The following CCNY variants were observed in gnomAD, a reference collection of about 807,000 sequenced individuals.
CCNY encodes the protein cyclin-Y.
In CCNY, 19 loss-of-function variants were observed where a neutral mutation model predicts 42.8. The observed-to-expected ratio is 0.44, with a 90% CI of 0.31 to 0.65. The LOEUF (loss-of-function observed/expected upper bound fraction) is 0.65, where lower values mean the gene tolerates loss of function less well. Among genes scored for constraint, CCNY ranks in the 30% least tolerant of loss-of-function variants. The pLI is 0.07. For missense variants in CCNY, 370 were observed against 437.3 expected, an observed-to-expected ratio of 0.85 and a Z score of 1.37; for synonymous variants, 165 against 162.7, an observed-to-expected ratio of 1.01 and a Z score of -0.11.
chr10:35,413,515 C>G (rs1362816313), intron 1 of CCNY, among the ~76,000 whole-genome samples: 1 of 152,168 alleles, frequency 6.6e-6, no homozygotes, highest in Non-Finnish European at 1.5e-5. Flanking sequence ...TATATTTGAG[C>G]TTTATCATTA....
chr10:35,480,045 T>C (rs1466463237), intron 1 of CCNY, among the ~76,000 whole-genome samples: 14 of 152,054 alleles, frequency 9.2e-5, no homozygotes, highest in African/African-American at 2.4e-5. Context: ...AGAACACATA[T>C]TGTAATTACC....
At chr10:35,554,775 TA>T (rs1841330063) in intron 8 of CCNY, among the ~76,000 whole-genome samples, 2 of 152,246 alleles carry the variant, frequency 1.3e-5, no homozygotes, top group African/African-American at 4.8e-5. Flanking sequence ...AGGTCTTAAA[TA>T]TTTTGATTTG....
chr10:35,443,923 T>C (rs911079306), intron 1 of CCNY, among the ~76,000 whole-genome samples: 2 of 152,204 alleles, frequency 1.3e-5, no homozygotes, highest in Non-Finnish European at 2.9e-5. Context: ...GTACAGAATG[T>C]GAGGTCCCAT....
chr10:35,519,864 G>A (rs147139937), intron 4 of CCNY, among the ~76,000 whole-genome samples: 3 of 122,798 alleles, frequency 2.4e-5, no homozygotes, highest in Non-Finnish European at 4.7e-5. Flanking sequence ...CTGTAACTCC[G>A]CCTCCCAGGC....
chr10:35,335,586 G>A (rs1475879900), upstream of CCNY, among the ~76,000 whole-genome samples: 8 of 151,960 alleles, frequency 5.3e-5, no homozygotes, highest in South Asian at 2.1e-4. Context: ...GCCAGGTGCC[G>A]TGGCTCATGC....
intron 3 of CCNY, among the ~76,000 whole-genome samples, chr10:35,253,740 T>A (rs1300103682): frequency 6.6e-6 from 1 of 152,056 alleles, no homozygotes. Flanking sequence ...ACTCCTTGAA[T>A]AAACAACAAC....
intron 1 of CCNY, among the ~76,000 whole-genome samples, chr10:35,417,878 C>T (rs997189316): frequency 2.6e-5 from 4 of 152,170 alleles, no homozygotes; most frequent in African/African-American, 9.7e-5. Context: ...AGGAATAGTT[C>T]ACCTCTCTAG....
Position 35,514,317 on chromosome 10 carries a change from C to T in CCNY, c.265-2206C>T, listed in dbSNP as rs116082824. Among the ~76,000 whole-genome samples, 1,416 of 152,212 alleles carry T rather than the reference C, an allele frequency of 9.3e-3. 29 individuals carry two copies. Among genetic ancestry groups the T allele is most frequent in the African/African-American group, 0.031 (1,301 of 41,532 alleles). On this transcript the variant is annotated intron_variant, in intron 3 of 9. Coordinates refer to ENST00000374704, the MANE Select transcript of CCNY (RefSeq NM_145012.6). ...AATACTTGGGATCTTTATTCAGTTTCGAAGTTATTAAATAGTTTAAAAGCT... is the reference window on the plus strand; with the variant it reads ...AATACTTGGGATCTTTATTCAGTTTTGAAGTTATTAAATAGTTTAAAAGCT...
chr10:35,501,397 T>G lies in CCNY; in HGVS notation c.230-104T>G, dbSNP rs754067178. 280 of 876,548 alleles carry G rather than the reference T, an allele frequency of 3.2e-4. 1 individual carries two copies. The highest frequency in any genetic ancestry group is 4.8e-4 in the Non-Finnish European group (246 of 513,400). 54.3% of individuals were successfully genotyped at this position (876,548 alleles called of 1,614,324 possible). On this transcript the variant is annotated intron_variant, in intron 2 of 9. Transcript: ENST00000374704. The stretch of plus-strand genomic sequence containing the variant: ...TAAATGAGCAAGTGGGTATGTTGGT[T>G]GGTGGAAGGACGGGACCACGACACA...
chr10:35,541,113 A>AT (rs34128223), intron 7 of CCNY, among the ~76,000 whole-genome samples: 16,933 of 150,262 alleles, frequency 0.11, 1,326 homozygotes, highest in East Asian at 0.37. Context: ...TTGATTTGAG[A>AT]TTTTTTTTTA....
chr10:35,466,251 C>T (rs571375378), intron 1 of CCNY, among the ~76,000 whole-genome samples: 1 of 152,168 alleles, frequency 6.6e-6, no homozygotes, highest in Admixed American at 6.5e-5. Context: ...GTCAGGAAGG[C>T]TTCCAGGGCT....
At chr10:35,248,381 C>T (rs190442231) in intron 2 of CCNY, among the ~76,000 whole-genome samples, 31 of 152,208 alleles carry the variant, frequency 2.0e-4, no homozygotes, top group African/African-American at 4.3e-4. Flanking sequence ...CGGTGGCTCA[C>T]GCCTGTAATC....
chr10:35,567,147 C>G (rs1841588552), intron 9 of CCNY, among the ~76,000 whole-genome samples: 1 of 152,196 alleles, frequency 6.6e-6, no homozygotes, highest in Admixed American at 6.5e-5. Flanking sequence ...TAGGAAAAAG[C>G]TGCCAAATGA....
chr10:35,533,668 C>A lies in CCNY; in HGVS notation c.579+3425C>A, dbSNP rs115679728. Among the ~76,000 whole-genome samples, 337 of 152,338 alleles carry A rather than the reference C, an allele frequency of 2.2e-3. 1 individual carries two copies. The highest frequency in any genetic ancestry group is 7.7e-3 in the African/African-American group (321 of 41,578). On this transcript the variant is annotated intron_variant, in intron 7 of 9. Transcript: ENST00000374704. Reference sequence around the variant, plus strand: ...AAGTTGCAACCTCCCTCCTGCACCGCACTCCCTGCTCATCACTTCCTGCTT... The same window carrying A: ...AAGTTGCAACCTCCCTCCTGCACCGAACTCCCTGCTCATCACTTCCTGCTT...
At chr10:35,452,503 G>T in intron 1 of CCNY, among the ~76,000 whole-genome samples, 1 of 152,106 alleles carries the variant, frequency 6.6e-6, no homozygotes, top group East Asian at 1.9e-4. Context: ...CTATTCAGAG[G>T]TAAATAGAGT....
At chr10:35,306,638 G>A (rs1413450850) in intron 3 of CCNY, among the ~76,000 whole-genome samples, 5 of 152,062 alleles carry the variant, frequency 3.3e-5, no homozygotes, top group East Asian at 1.9e-4. Context: ...GGTACTCCCC[G>A]GTCTGTTCAC....
chr10:35,437,955 T>C (rs1034132310), intron 1 of CCNY, among the ~76,000 whole-genome samples: 1 of 152,118 alleles, frequency 6.6e-6, no homozygotes, highest in African/African-American at 2.4e-5. Flanking sequence ...CAGGAAAACT[T>C]GTCCCCTTCA....
chr10:35,333,294 G>A (rs1291069235), upstream of CCNY, among the ~76,000 whole-genome samples: 7 of 152,180 alleles, frequency 4.6e-5, no homozygotes, highest in African/African-American at 1.7e-4. Context: ...GAGTGACACA[G>A]TGTTGGAGAT....
intron 1 of CCNY, among the ~76,000 whole-genome samples, chr10:35,391,688 TG>T (rs1837417485): frequency 6.6e-6 from 1 of 152,192 alleles, no homozygotes; most frequent in African/African-American, 2.4e-5. Context: ...TGATAGTACC[TG>T]CCTTACTGGA....
Sources: gnomAD v4.1 joint callset for allele counts (sites outside exome capture counted in the v4.1 genomes callset) on GRCh38, gnomAD v4.1.1 for gene constraint, MANE v1.5 for transcripts, NCBI Gene and HGNC (gene_info 2026-07-23, HGNC 2026-07-21) for gene names.